SAMD4A: variants seen among roughly 807,000 people sequenced by gnomAD.
SAMD4A encodes the protein sterile alpha motif domain containing 4A, also known as protein Smaug homolog 1.
A neutral mutation model predicts 81.3 loss-of-function variants in SAMD4A; 33 were observed. The ratio of observed to expected loss-of-function variants is 0.41; its 90% CI spans 0.31 to 0.54. The LOEUF is 0.54. SAMD4A is among the 20% of genes least tolerant of loss of function. The probability of loss-of-function intolerance (pLI) is 0.37; values close to 1 mark genes in which losing one functional copy is unlikely to be tolerated. For synonymous variants in SAMD4A, 389 were observed against 382.1 expected (o/e 1.02, Z -0.21); for missense variants, 854 against 951.1 (o/e 0.90, Z 1.34).
intron 2 of SAMD4A, among the ~76,000 whole-genome samples, chr14:54,673,583 C>T (rs192255235): frequency 1.1e-4 from 16 of 152,312 alleles, no homozygotes; most frequent in African/African-American, 3.6e-4. Context: ...CTCTGGAAGT[C>T]CACTGAATTC....
intron 4 of SAMD4A, 98 bp from the exon 5 acceptor site, chr14:54,748,717 C>T (rs1227978577): frequency 7.7e-6 from 6 of 777,970 alleles, no homozygotes; most frequent in Non-Finnish European, 1.1e-5. Context: ...TTCCTTTGAC[C>T]ATCACCCTCT....
At chr14:54,713,009 T>A (rs977390455) in intron 3 of SAMD4A, among the ~76,000 whole-genome samples, 3 of 152,142 alleles carry the variant, frequency 2.0e-5, no homozygotes, top group African/African-American at 7.2e-5. Flanking sequence ...AGCCCTGTAG[T>A]CTTATGATTT....
chr14:54,775,691 CCGCCTGTGTGCCCAG>C (rs2038825410), intron 10 of SAMD4A, among the ~76,000 whole-genome samples: 1 of 152,132 alleles, frequency 6.6e-6, no homozygotes, highest in South Asian at 2.1e-4. Flanking sequence ...CCAGTGCCTT[CCGCCTGTGTGCCCAG>C]AGCTTCTCGA....
At position 54,757,418 on chromosome 14, in the gene SAMD4A, TG is replaced by T. The variant is rs1566622544; in HGVS notation, c.1177-2742del. ...GTGTGTGTGTGTGTGTGTGTGTGTG[TG>T]TGTGTGTGTTTTGTTTTGTTTTGTT... On this transcript the variant is annotated intron_variant, in intron 6 of 12. Transcript: ENST00000554335. Among the ~76,000 whole-genome samples, 319 of 146,612 alleles carry T rather than the reference TG, an allele frequency of 2.2e-3. 2 individuals are homozygous for T. The highest frequency in any genetic ancestry group is 7.8e-3 in the African/African-American group (295 of 37,718).
chr14:54,763,828 G>T (rs192857940), intron 7 of SAMD4A, among the ~76,000 whole-genome samples: 1 of 152,154 alleles, frequency 6.6e-6, no homozygotes, highest in Non-Finnish European at 1.5e-5. Flanking sequence ...TACTCTACCC[G>T]CAGACTAACT....
chr14:54,770,189 T>C lies in SAMD4A; in HGVS notation c.1682T>C (p.Leu561Pro). The change falls in exon 9 of 13, where the codon CTT becomes CCT. Residue 561 changes from leucine to proline, a missense_variant. Leu to Pro is a moderately conservative substitution (Grantham distance 98, BLOSUM62 -3). This residue lies in a region of SAMD4A where 428 missense variants were observed against 471.2 expected (regional missense o/e 0.91). Coordinates refer to ENST00000554335, the MANE Select transcript of SAMD4A (RefSeq NM_015589.6). ...TTTCGGTCTTTCCCTCGGAAAACCC[T>C]TCTAGACATATCAGGATATCGACAG... ...KLFRSFPRKT[L>P]LDISGYRQQR... The C allele has an allele frequency of 1.9e-6, 3 of 1,613,248 alleles. No homozygotes were observed. Among genetic ancestry groups the C allele is most frequent in the Non-Finnish European group, 2.5e-6 (3 of 1,179,184 alleles).
At chr14:54,765,134 C>T (rs2038502705) in intron 8 of SAMD4A, among the ~76,000 whole-genome samples, 3 of 152,062 alleles carry the variant, frequency 2.0e-5, no homozygotes, top group South Asian at 2.1e-4. Context: ...GCTAGGCAGC[C>T]GTCAGCACTG....
chr14:54,712,797 AG>A (rs1436465790), intron 3 of SAMD4A, among the ~76,000 whole-genome samples: 2 of 152,142 alleles, frequency 1.3e-5, no homozygotes, highest in African/African-American at 4.8e-5. Context: ...CCATCCAGGA[AG>A]ATTTTTTTAG....
chr14:54,769,536 G>A (rs1283469897), intron 8 of SAMD4A, among the ~76,000 whole-genome samples: 2 of 152,204 alleles, frequency 1.3e-5, no homozygotes, highest in Non-Finnish European at 2.9e-5. Context: ...AAACTTTAGA[G>A]AAGGTTTAAG....
chr14:54,691,905 G>A (rs1399852956), intron 2 of SAMD4A, among the ~76,000 whole-genome samples: 2 of 152,150 alleles, frequency 1.3e-5, no homozygotes, highest in East Asian at 1.9e-4. Context: ...CCACAAAATT[G>A]TTCATTCTGT....
At chr14:54,688,776 A>C (rs544050821) in intron 2 of SAMD4A, among the ~76,000 whole-genome samples, 12 of 152,242 alleles carry the variant, frequency 7.9e-5, no homozygotes, top group Admixed American at 3.3e-4. Context: ...ACCTGGTTTC[A>C]CATCAGCCTT....
At chr14:54,696,815 GA>G (rs2036589490) in intron 2 of SAMD4A, 1 of 152,140 alleles carries the variant, frequency 6.6e-6, no homozygotes, top group African/African-American at 2.4e-5. Context: ...CCATGTAATA[GA>G]ACTGTTACAT....
At chr14:54,581,191 G>A (rs1361565118) in intron 2 of SAMD4A, among the ~76,000 whole-genome samples, 1 of 152,208 alleles carries the variant, frequency 6.6e-6, no homozygotes, top group African/African-American at 2.4e-5. Flanking sequence ...CCAGGATTGT[G>A]GATGTGTAAA....
chr14:54,585,901 C>T (rs1292354096), intron 2 of SAMD4A, among the ~76,000 whole-genome samples: 1 of 152,096 alleles, frequency 6.6e-6, no homozygotes, highest in Non-Finnish European at 1.5e-5. Flanking sequence ...TACAAACATG[C>T]GTGTGCAAGT....
intron 3 of SAMD4A, among the ~76,000 whole-genome samples, chr14:54,722,791 G>T (rs1202997523): frequency 6.6e-6 from 1 of 152,212 alleles, no homozygotes; most frequent in Non-Finnish European, 1.5e-5. Context: ...ACAAATTGCA[G>T]TGTTACCTAT....
intron 3 of SAMD4A, among the ~76,000 whole-genome samples, chr14:54,724,003 T>TGGAAGGAAGGAAGGAAGAA (rs1311416081): frequency 1.8e-5 from 1 of 56,458 alleles, no homozygotes; most frequent in Non-Finnish European, 4.4e-5. Context: ...GATGGATGGA[T>TGGAAGGAAGGAAGGAAGAA]GGATGGAAGG....
In SAMD4A at chr14:54,672,527, C is replaced by T. The variant is rs532503184; in HGVS notation, c.197-29535C>T. Among the ~76,000 whole-genome samples the T allele has an allele frequency of 6.6e-5, 10 of 152,304 alleles. No individual in the cohort carries two copies. The South Asian group carries it at 2.1e-3, about 32-fold the overall frequency. On this transcript the variant is annotated intron_variant, in intron 2 of 12. Coordinates refer to ENST00000554335, the MANE Select transcript of SAMD4A (RefSeq NM_015589.6). ...CAGGGCCCCTGAGAGGGTGCCCTGT[C>T]ATCCTGGGATTTGTTTTCCAAATTA... is the stretch of plus-strand genomic sequence containing the variant.
intron 2 of SAMD4A, among the ~76,000 whole-genome samples, chr14:54,611,610 C>T (rs2034357215): frequency 6.6e-6 from 1 of 152,192 alleles, no homozygotes; most frequent in South Asian, 2.1e-4. Flanking sequence ...GGCGCAGTGG[C>T]TCATGCCTGT....
At chr14:54,621,668 G>A (rs761148113) in intron 2 of SAMD4A, among the ~76,000 whole-genome samples, 4 of 152,016 alleles carry the variant, frequency 2.6e-5, no homozygotes, top group African/African-American at 4.8e-5. Flanking sequence ...AGCTCAAAAC[G>A]CATTTTTGAT....
Sources: allele counts gnomAD v4.1 joint callset (sites outside exome capture counted in the v4.1 genomes callset), GRCh38; gene constraint gnomAD v4.1.1; regional missense constraint gnomAD v4.1.1; transcripts MANE v1.5; gene names NCBI Gene and HGNC (gene_info 2026-07-23, HGNC 2026-07-21).